ELAVL1: variants seen among roughly 807,000 people sequenced by gnomAD.
The protein encoded by ELAVL1 is ELAV like RNA binding protein 1, also known as ELAV-like protein 1.
Under a neutral mutation model 28.4 loss-of-function variants are expected in ELAVL1, and 1 was observed. The observed-to-expected ratio is 0.04, with a 90% confidence interval of 0.01 to 0.17. The LOEUF is 0.17. ELAVL1 is among the 10% of genes least tolerant of loss of function. ELAVL1 has a pLI of 1.00. For missense variants in ELAVL1, 157 were observed against 447.2 expected (o/e 0.35, Z 5.85); for synonymous variants, 174 against 183.5 (o/e 0.95, Z 0.42).
intron 4 of ELAVL1, 71 bp from the exon 5 acceptor site, chr19:7,967,861 G>A (rs1463031052): frequency 6.5e-7 from 1 of 1,531,670 alleles, no homozygotes; most frequent in Admixed American, 1.8e-5. Flanking sequence ...AAAAGCAAAA[G>A]TCAGGTCAGT....
intron 4 of ELAVL1, among the ~76,000 whole-genome samples, chr19:7,970,099 A>G (rs1203459485): frequency 1.3e-5 from 2 of 151,864 alleles, no homozygotes; most frequent in Non-Finnish European, 2.9e-5. Flanking sequence ...CAGCCTCCCG[A>G]GTAGGTGGGA....
chr19:7,973,645 A>G, intron 4 of ELAVL1, 80 bp downstream of exon 4: 2 of 1,512,542 alleles, frequency 1.3e-6, no homozygotes, highest in Non-Finnish European at 1.8e-6. Context: ...TTTAAAATCA[A>G]ACGGTGATCT....
chr19:7,966,249 C>CT (rs1172353657), intron 5 of ELAVL1, among the ~76,000 whole-genome samples: 3 of 152,272 alleles, frequency 2.0e-5, no homozygotes, highest in African/African-American at 7.2e-5. Flanking sequence ...GATGCCACTC[C>CT]TTGAGGTTTT....
chr19:7,991,905 A>G (rs1017097224), intron 1 of ELAVL1, 74 bp from the exon 2 acceptor site: 3 of 1,129,564 alleles, frequency 2.7e-6, no homozygotes, highest in Non-Finnish European at 3.6e-6. Context: ...TAGTAACTGC[A>G]TTTGCACTTA....
Position 7,961,229 on chromosome 19 carries a change from G to A in ELAVL1, c.*2254C>T, listed in dbSNP as rs556646963. ...TTTCACAGTTGAAGCTTAAGACAGA[G>A]TTCTCTGTTGAATGCTAGCTATGGG... On this transcript the variant is annotated 3_prime_UTR_variant, in exon 6 of 6. Transcript: ENST00000407627. The A allele has an allele frequency of 3.3e-5, 5 of 152,352 alleles. No individual in the cohort carries two copies. Among genetic ancestry groups the A allele is most frequent in the African/African-American group, 1.2e-4 (5 of 41,552 alleles). The allele number at this position is 152,352 out of a possible 1,614,324, so 9.4% of individuals were successfully genotyped here. A position where few individuals can be genotyped will look rare whatever the true frequency, so the allele number is the denominator to read the frequency against.
At chr19:7,977,144 G>A (rs1985320694) in intron 3 of ELAVL1, among the ~76,000 whole-genome samples, 2 of 152,220 alleles carry the variant, frequency 1.3e-5, no homozygotes, top group Non-Finnish European at 2.9e-5. Context: ...AGTAGCCACT[G>A]CTGTGAAGAA....
intron 1 of ELAVL1, chr19:8,001,962 G>T (rs2081069464): frequency 3.7e-6 from 4 of 1,084,512 alleles, no homozygotes; most frequent in Non-Finnish European, 5.0e-6. Flanking sequence ...TACTGCAACA[G>T]CCTGTGACTG....
At chr19:7,983,109 G>A (rs959948168) in intron 2 of ELAVL1, among the ~76,000 whole-genome samples, 9 of 152,178 alleles carry the variant, frequency 5.9e-5, no homozygotes, top group South Asian at 4.1e-4. Context: ...TAGAAATGAC[G>A]TGCAGTTAGT....
intron 1 of ELAVL1, among the ~76,000 whole-genome samples, chr19:7,998,085 T>C (rs1307799821): frequency 1.3e-5 from 2 of 152,208 alleles, no homozygotes; most frequent in African/African-American, 4.8e-5. Context: ...CTTGGTCAAC[T>C]AGTAACACGG....
At chr19:7,983,707 T>C (rs1354301563) in intron 2 of ELAVL1, among the ~76,000 whole-genome samples, 1 of 152,114 alleles carries the variant, frequency 6.6e-6, no homozygotes, top group Non-Finnish European at 1.5e-5. Context: ...AGTCACACAC[T>C]GATAGGGACT....
In ELAVL1 at chr19:7,991,647, C is replaced by T; in HGVS notation, c.169G>A (p.Ala57Thr). ...TAAAACGCCTCCATTTCTTTACCTG[C>T]TACTTTATCCCGAATAAGTTTTGCA... is the stretch of plus-strand genomic sequence containing the variant. ...ESAKLIRDKV[A>T]GHSLGYGFVN... is the part of the protein sequence containing the mutation. Residue 57 changes from alanine (A) to threonine (T), a missense_variant, in exon 2 of 6, where the codon GCA (alanine) becomes ACA (threonine). Physicochemically the swap from Ala to Thr is moderately conservative, Grantham distance 58. Transcript: ENST00000407627. 2 of 1,608,086 alleles carry T rather than the reference C, an allele frequency of 1.2e-6. No homozygotes were observed. The highest frequency in any genetic ancestry group is 1.7e-6 in the Non-Finnish European group (2 of 1,176,208).
chr19:7,988,185 T>C (rs1011467141), intron 2 of ELAVL1, among the ~76,000 whole-genome samples: 1 of 152,026 alleles, frequency 6.6e-6, no homozygotes, highest in African/African-American at 2.4e-5. Context: ...AAGTGGATGG[T>C]GGTGCCATCG....
intron 2 of ELAVL1, among the ~76,000 whole-genome samples, chr19:7,983,608 C>T (rs1019066318): frequency 6.6e-6 from 1 of 152,118 alleles, no homozygotes; most frequent in Admixed American, 6.5e-5. Context: ...CTTCTGCATC[C>T]GGGCCCCATC....
In ELAVL1 at chr19:7,981,701, C is replaced by T. The variant is rs758731891; in HGVS notation, c.173-515G>A. ...GTTTTACTTTTGTAATTAAAATAAC[C>T]CCAAAAGTTATTTACAAAGGAGTAT... On this transcript the variant is annotated intron_variant, in intron 2 of 5. Transcript: ENST00000407627. This position sits in a 1 kb window ranked among gnomAD's most constrained non-coding sequence, Gnocchi z 4.2. 1.5e-4 allele frequency among the ~76,000 whole-genome samples: 23 copies of T among 152,086 alleles called. No individual in the cohort carries two copies. Among genetic ancestry groups the T allele is most frequent in the Non-Finnish European group, 3.2e-4 (22 of 68,018 alleles).
intron 1 of ELAVL1, among the ~76,000 whole-genome samples, chr19:8,002,575 C>A (rs551800648): frequency 2.0e-5 from 3 of 152,370 alleles, no homozygotes; most frequent in African/African-American, 7.2e-5. Context: ...GGGCGCCAGC[C>A]GGGCGCTGCG....
At chr19:7,971,834 C>G (rs971310396) in intron 4 of ELAVL1, among the ~76,000 whole-genome samples, 1 of 152,160 alleles carries the variant, frequency 6.6e-6, no homozygotes, top group African/African-American at 2.4e-5. Flanking sequence ...TTCCTACAGC[C>G]GGAAAGGAGG....
Position 7,992,379 on chromosome 19 carries a change from T to C in ELAVL1, c.-16-548A>G, listed in dbSNP as rs866243985. Among the ~76,000 whole-genome samples the C allele has an allele frequency of 5.6e-4, 85 of 152,334 alleles. No individual in the cohort carries two copies. In the Middle Eastern group the frequency reaches 0.02, roughly 37 times the overall value. On this transcript the variant is annotated intron_variant, in intron 1 of 5. Coordinates refer to ENST00000407627, the MANE Select transcript of ELAVL1 (RefSeq NM_001419.3). ...GGATCTCCTCCAATGGGTGAATGAATGAACAGACTCCATTCATGTGGTTCA... is the reference window on the plus strand; with the variant it reads ...GGATCTCCTCCAATGGGTGAATGAACGAACAGACTCCATTCATGTGGTTCA...
chr19:7,960,667 T>G lies in ELAVL1; in HGVS notation c.*2816A>C, dbSNP rs1479608206. The G allele has an allele frequency of 6.6e-6, 1 of 152,660 alleles. No individual in the cohort carries two copies. 9.5% of individuals were successfully genotyped at this position (152,660 alleles called of 1,614,324 possible). A position where few individuals can be genotyped will look rare whatever the true frequency, so the allele number is the denominator to read the frequency against. On this transcript the variant is annotated 3_prime_UTR_variant, in exon 6 of 6. Coordinates refer to ENST00000407627, the MANE Select transcript of ELAVL1 (RefSeq NM_001419.3). ...GAATTCAATCAAAGCCTCTTTGGTA[T>G]TTCCCAAACCAGATTTTTGATAAAT...
intron 4 of ELAVL1, among the ~76,000 whole-genome samples, chr19:7,971,520 T>C (rs929481095): frequency 1.3e-5 from 2 of 152,216 alleles, no homozygotes; most frequent in Non-Finnish European, 2.9e-5. Flanking sequence ...ACAGGATCAT[T>C]CGCTCAGCTG....
Sources: gnomAD v4.1 joint callset for allele counts (sites outside exome capture counted in the v4.1 genomes callset) on GRCh38, gnomAD v4.1.1 for gene constraint, Gnocchi (gnomAD v3.1) non-coding constraint, MANE v1.5 for transcripts, NCBI Gene and HGNC (gene_info 2026-07-23, HGNC 2026-07-21) for gene names.